ZC4H2: variants seen among roughly 807,000 people sequenced by gnomAD.
ZC4H2 encodes zinc finger C4H2 domain-containing protein.
For synonymous variants in ZC4H2, 84 were observed against 66.3 expected, an observed-to-expected ratio of 1.27 and a Z score of -1.30; for missense variants, 137 against 173.9, an observed-to-expected ratio of 0.79 and a Z score of 1.19.
intron 1 of ZC4H2, among the ~76,000 whole-genome samples, chrX:64,933,067 T>A (rs1929828969): frequency 8.9e-6 from 1 of 111,958 alleles, no homozygotes; most frequent in Non-Finnish European, 1.9e-5. Flanking sequence ...CATTCTTTTT[T>A]ATTTGTATTT....
chrX:65,006,378 A>C (rs7050349), intron 1 of ZC4H2, among the ~76,000 whole-genome samples: 26,488 of 110,836 alleles, frequency 0.24, 7,700 homozygotes, highest in African/African-American at 0.83. Context: ...ACTATGCAGC[A>C]ATAAAAAAGG....
At chrX:64,920,039 G>C (rs57348517) in intron 3 of ZC4H2, 42 bp downstream of exon 3, 3 of 1,181,983 alleles carry the variant, frequency 2.5e-6, no homozygotes, top group Non-Finnish European at 3.4e-6. Context: ...TATGTGGGTC[G>C]GAGGGAGGGT....
chrX:64,935,553 C>A (rs962775757), intron 1 of ZC4H2, among the ~76,000 whole-genome samples: 1 of 112,081 alleles, frequency 8.9e-6, no homozygotes, highest in Admixed American at 9.4e-5. Context: ...TAGGGGCCAA[C>A]AGACTCCTCA....
At chrX:64,990,077 A>G (rs955789669) in intron 1 of ZC4H2, among the ~76,000 whole-genome samples, 1 of 112,347 alleles carries the variant, frequency 8.9e-6, no homozygotes, top group African/African-American at 3.2e-5. Flanking sequence ...CAACAAACCT[A>G]TACATATTTA....
At chrX:65,000,557 C>G (rs970410978) in intron 1 of ZC4H2, among the ~76,000 whole-genome samples, 2 of 111,521 alleles carry the variant, frequency 1.8e-5, no homozygotes, top group African/African-American at 6.5e-5. Context: ...TCCTCTTCAG[C>G]AAGGGAAACA....
chrX:64,992,424 C>T (rs1236835293), intron 1 of ZC4H2, among the ~76,000 whole-genome samples: 1 of 111,512 alleles, frequency 9.0e-6, no homozygotes, highest in Non-Finnish European at 1.9e-5. Flanking sequence ...AGTTTATAAG[C>T]TCATCAGCAA....
chrX:64,927,209 A>T (rs966019776), intron 1 of ZC4H2, among the ~76,000 whole-genome samples: 2 of 110,602 alleles, frequency 1.8e-5, no homozygotes, highest in Non-Finnish European at 3.8e-5. Context: ...AGGTATACAT[A>T]TGCCATGGTG....
rs1928923895 is a variant in ZC4H2, at chrX:64,916,430, A to C, written c.*1353T>G. 8.9e-6 allele frequency: 1 copy of C among 112,111 alleles called. No homozygotes were observed. The highest frequency in any genetic ancestry group is 3.7e-4 in the South Asian group (1 of 2,668). 9.2% of individuals were successfully genotyped at this position (112,111 alleles called of 1,213,427 possible). A position where few individuals can be genotyped will look rare whatever the true frequency, so the allele number is the denominator to read the frequency against. On this transcript the variant is annotated 3_prime_UTR_variant, in exon 5 of 5. Coordinates refer to ENST00000374839, the MANE Select transcript of ZC4H2 (RefSeq NM_018684.4). ...TATCCAATACACAGTAGATACTCAG[A>C]ATTTACTCCAATGAATGCATGTTAA... is the stretch of plus-strand genomic sequence containing the variant.
chrX:64,947,223 A>C (rs1930578126), intron 1 of ZC4H2, among the ~76,000 whole-genome samples: 1 of 111,702 alleles, frequency 9.0e-6, no homozygotes, highest in African/African-American at 3.2e-5. Context: ...TGTTCTTTTA[A>C]ATTTGTTGGG....
At chrX:64,936,798 G>A (rs1930031745) in intron 1 of ZC4H2, among the ~76,000 whole-genome samples, 1 of 111,527 alleles carries the variant, frequency 9.0e-6, no homozygotes, top group Non-Finnish European at 1.9e-5. Flanking sequence ...AGAAACAACA[G>A]GTACCAGTCA....
In ZC4H2 at chrX:64,917,465, TCAGGCAC is replaced by T. The variant is rs1928985208; in HGVS notation, c.*311_*317del. ...CCTACAGCTCCTTAGGCTCCAGGCC[TCAGGCAC>T]AAGAGATAGAGAATCATATCTGAGC... On this transcript the variant is annotated 3_prime_UTR_variant, in exon 5 of 5. Coordinates refer to ENST00000374839, the MANE Select transcript of ZC4H2 (RefSeq NM_018684.4). The T allele has an allele frequency of 4.9e-6, 1 of 205,385 alleles. No individual in the cohort carries two copies. The highest frequency in any genetic ancestry group is 3.0e-5 in the African/African-American group (1 of 33,862). 16.9% of individuals were successfully genotyped at this position (205,385 alleles called of 1,213,427 possible). A position where few individuals can be genotyped will look rare whatever the true frequency, so the allele number is the denominator to read the frequency against.
chrX:65,011,162 A>G (rs1932752037), intron 1 of ZC4H2, among the ~76,000 whole-genome samples: 2 of 112,133 alleles, frequency 1.8e-5, no homozygotes, highest in Non-Finnish European at 3.8e-5. Flanking sequence ...GCTTTTCTAC[A>G]AATGTTGATA....
chrX:64,981,972 C>T (rs1001329697), intron 1 of ZC4H2, among the ~76,000 whole-genome samples: 2 of 111,330 alleles, frequency 1.8e-5, no homozygotes, highest in Admixed American at 9.5e-5. Context: ...CTCCTCTATT[C>T]TTTCTCACCT....
intron 1 of ZC4H2, among the ~76,000 whole-genome samples, chrX:65,024,156 G>A (rs1932858535): frequency 9.0e-6 from 1 of 110,571 alleles, no homozygotes; most frequent in African/African-American, 3.3e-5. Flanking sequence ...AATACCTAAT[G>A]TAGATGATGG....
At chrX:64,931,069 C>T (rs185100048) in intron 1 of ZC4H2, among the ~76,000 whole-genome samples, 1 of 111,851 alleles carries the variant, frequency 8.9e-6, no homozygotes, top group East Asian at 2.8e-4. Context: ...GTTTCTGTTT[C>T]TTCCTGATTT....
intron 1 of ZC4H2, among the ~76,000 whole-genome samples, chrX:65,023,500 A>T (rs1473233718): frequency 1.8e-5 from 2 of 111,422 alleles, no homozygotes; most frequent in Admixed American, 9.5e-5. Flanking sequence ...ACAAACATAT[A>T]AAAAAAAGCT....
At position 64,976,427 on chromosome X, in the gene ZC4H2, C is replaced by T. The variant is rs746245323; in HGVS notation, c.-50G>A. The T allele has an allele frequency of 6.9e-6, 8 of 1,155,058 alleles. No homozygotes were observed. In the South Asian group the frequency reaches 1.3e-4, roughly 18 times the overall value. On this transcript the variant is annotated 5_prime_UTR_variant, in exon 1 of 5. Transcript: ENST00000374839. ...CCGAGAGATGTACAAATACACCAGC[C>T]AAGGGATACAATAGACACAATGTAG...
chrX:65,031,924 A>G (rs1440900648), intron 1 of ZC4H2, among the ~76,000 whole-genome samples: 2 of 112,544 alleles, frequency 1.8e-5, no homozygotes, highest in Admixed American at 9.4e-5. Context: ...GTTGCAATAT[A>G]TAAGTTGTAT....
intron 1 of ZC4H2, among the ~76,000 whole-genome samples, chrX:64,999,173 G>A (rs952180208): frequency 1.8e-5 from 2 of 108,140 alleles, no homozygotes; most frequent in East Asian, 2.9e-4. Flanking sequence ...GAACATCTCC[G>A]GTCTGCAGAT....
Sources: gnomAD v4.1 joint callset for allele counts (sites outside exome capture counted in the v4.1 genomes callset) on GRCh38, gnomAD v4.1.1 for gene constraint, MANE v1.5 for transcripts, NCBI Gene and HGNC (gene_info 2026-07-23, HGNC 2026-07-21) for gene names.